COX10: variants seen among roughly 807,000 people sequenced by gnomAD.
The protein encoded by COX10 is cytochrome c oxidase assembly factor heme A:farnesyltransferase COX10, also known as protoheme IX farnesyltransferase, mitochondrial.
Under a neutral mutation model 37.3 loss-of-function variants are expected in COX10, and 27 were observed. The ratio of observed to expected loss-of-function variants is 0.72; its 90% CI spans 0.53 to 1.00. COX10 has a LOEUF of 1.00. COX10 is among the 50% of genes least tolerant of loss of function. The probability of loss-of-function intolerance (pLI) is 0.00; values close to 1 mark genes in which losing one functional copy is unlikely to be tolerated. For synonymous variants in COX10, 222 were observed against 229.1 expected, an observed-to-expected ratio of 0.97 and a Z score of 0.28; for missense variants, 475 against 563.2, an observed-to-expected ratio of 0.84 and a Z score of 1.59.
intron 5 of COX10, among the ~76,000 whole-genome samples, 181 bp from the exon 6 acceptor site, chr17:14,191,808 C>T (rs924129641): frequency 9.9e-5 from 15 of 152,222 alleles, no homozygotes; most frequent in African/African-American, 3.6e-4. Flanking sequence ...CTCCCACAAA[C>T]ATATTCTTTC....
rs1176017561 is a variant in COX10, at chr17:14,076,875, C to T, written c.318C>T (p.Ser106=). Residue 106 remains serine, a synonymous_variant, in exon 3 of 7, where the codon AGC becomes AGT. Coordinates refer to ENST00000261643, the MANE Select transcript of COX10 (RefSeq NM_001303.4). ...AGATGAGACCTCTCTCACCGCCCAG[C>T]CTATCTTTGTCCAGAAAGCCAAATG... ...IYEMRPLSPP[S]LSLSRKPNEK... is the part of the protein sequence containing the mutation. 1 of 1,614,122 alleles carries T rather than the reference C, an allele frequency of 6.2e-7. No homozygotes were observed. Among genetic ancestry groups the T allele is most frequent in the Admixed American group, 1.7e-5 (1 of 60,022 alleles).
intron 6 of COX10, among the ~76,000 whole-genome samples, chr17:14,198,852 C>T (rs375183563): frequency 3.9e-5 from 6 of 152,236 alleles, no homozygotes; most frequent in East Asian, 1.9e-4. Context: ...AACGCTGCCT[C>T]GGTTTGAAAC....
intron 2 of COX10, among the ~76,000 whole-genome samples, chr17:14,075,861 G>A (rs988711991): frequency 6.6e-6 from 1 of 151,624 alleles, no homozygotes; most frequent in Non-Finnish European, 1.5e-5. Flanking sequence ...GCTTGGTGGC[G>A]GGTGCCTGTA....
At chr17:14,071,395 C>G (rs529332010) in intron 1 of COX10, among the ~76,000 whole-genome samples, 1 of 152,190 alleles carries the variant, frequency 6.6e-6, no homozygotes, top group Admixed American at 6.5e-5. Context: ...AACATAATTG[C>G]CAAAAACTCT....
At chr17:14,180,120 G>A (rs955065458) in intron 5 of COX10, among the ~76,000 whole-genome samples, 2 of 151,706 alleles carry the variant, frequency 1.3e-5, no homozygotes, top group African/African-American at 4.8e-5. Context: ...CTGCAGGGGA[G>A]CTGTGGATAT....
chr17:14,115,079 C>T (rs1287774594), intron 4 of COX10, among the ~76,000 whole-genome samples: 1 of 152,086 alleles, frequency 6.6e-6, no homozygotes, highest in Non-Finnish European at 1.5e-5. Flanking sequence ...CTGACAGGCA[C>T]TCAGTGAATG....
chr17:14,184,127 A>C (rs1338331776), intron 5 of COX10, among the ~76,000 whole-genome samples: 1 of 152,212 alleles, frequency 6.6e-6, no homozygotes, highest in Non-Finnish European at 1.5e-5. Context: ...GCTCACGATC[A>C]CACGGCTAAA....
At chr17:14,145,562 A>T (rs753818286) in intron 4 of COX10, among the ~76,000 whole-genome samples, 76 of 152,244 alleles carry the variant, frequency 5.0e-4, no homozygotes, top group Non-Finnish European at 3.8e-4. Context: ...GAGGTAAAGA[A>T]CAAGAAAGAA....
At chr17:14,081,322 A>G (rs1915289552) in intron 3 of COX10, among the ~76,000 whole-genome samples, 1 of 152,244 alleles carries the variant, frequency 6.6e-6, no homozygotes, top group African/African-American at 2.4e-5. Flanking sequence ...TGGTGGGGAA[A>G]GAGAACAAGG....
intron 4 of COX10, among the ~76,000 whole-genome samples, chr17:14,122,926 A>T (rs1367065229): frequency 6.6e-6 from 1 of 152,204 alleles, no homozygotes; most frequent in Non-Finnish European, 1.5e-5. Context: ...GCATCCGCCC[A>T]CTTCAGAAAT....
At chr17:14,152,441 C>T (rs4410120) in intron 4 of COX10, among the ~76,000 whole-genome samples, 20,032 of 152,194 alleles carry the variant, frequency 0.13, 1,657 homozygotes, top group Non-Finnish European at 0.19. Flanking sequence ...TGATTCAGTT[C>T]TCTCCCACCA....
At chr17:14,105,927 A>G (rs1273869837) in intron 4 of COX10, among the ~76,000 whole-genome samples, 1 of 152,180 alleles carries the variant, frequency 6.6e-6, no homozygotes, top group East Asian at 1.9e-4. Flanking sequence ...TATATATCAT[A>G]CATATATATA....
chr17:14,080,915 A>G (rs968431342), intron 3 of COX10, among the ~76,000 whole-genome samples: 2 of 152,178 alleles, frequency 1.3e-5, no homozygotes, highest in African/African-American at 2.4e-5. Context: ...TGTGGTTACA[A>G]AAACATTCAC....
intron 5 of COX10, among the ~76,000 whole-genome samples, chr17:14,173,831 A>G (rs765056755): frequency 1.4e-4 from 22 of 152,234 alleles, no homozygotes; most frequent in Non-Finnish European, 3.2e-4. Context: ...TACTAGGAGT[A>G]ATAAGTAAAT....
At chr17:14,087,445 C>T (rs1384368876) in intron 3 of COX10, among the ~76,000 whole-genome samples, 1 of 152,176 alleles carries the variant, frequency 6.6e-6, no homozygotes, top group Non-Finnish European at 1.5e-5. Context: ...TCTGTTTGCA[C>T]TGTTCTGTCT....
chr17:14,091,997 A>C (rs569399057), intron 3 of COX10, among the ~76,000 whole-genome samples: 7 of 152,134 alleles, frequency 4.6e-5, no homozygotes, highest in Non-Finnish European at 8.8e-5. Context: ...GAATTTTTTA[A>C]AGTTAATTAA....
Position 14,156,518 on chromosome 17 carries a change from G to A in COX10, c.625-3359G>A, listed in dbSNP as rs147888805. On this transcript the variant is annotated intron_variant, in intron 4 of 6. Coordinates refer to ENST00000261643, the MANE Select transcript of COX10 (RefSeq NM_001303.4). ...GCTGGGATTACAGGCGTGAGCCACC[G>A]TGCCCGGCCTAAATCTGAAATTTAA... 5.7e-3 allele frequency among the ~76,000 whole-genome samples: 864 copies of A among 152,254 alleles called. 8 individuals are homozygous for A. The highest frequency in any genetic ancestry group is 0.019 in the African/African-American group (797 of 41,546).
intron 3 of COX10, among the ~76,000 whole-genome samples, chr17:14,085,813 T>G (rs1391412651): frequency 6.6e-6 from 1 of 152,230 alleles, no homozygotes; most frequent in Non-Finnish European, 1.5e-5. Context: ...TCAAGAAAAG[T>G]TGCACCAATT....
At chr17:14,076,332 T>A (rs2142181938) in intron 2 of COX10, among the ~76,000 whole-genome samples, 2 of 152,090 alleles carry the variant, frequency 1.3e-5, no homozygotes. Context: ...ACTCCTAGGC[T>A]CGAGGATCCT....
Sources: gnomAD v4.1 joint callset for allele counts (sites outside exome capture counted in the v4.1 genomes callset) on GRCh38, gnomAD v4.1.1 for gene constraint, MANE v1.5 for transcripts, NCBI Gene and HGNC (gene_info 2026-07-23, HGNC 2026-07-21) for gene names.